MTCL1: variants seen among roughly 807,000 people sequenced by gnomAD.
MTCL1 encodes microtubule cross-linking factor 1.
Under a neutral mutation model 141.4 loss-of-function variants are expected in MTCL1, and 79 were observed. The ratio of observed to expected loss-of-function variants is 0.56; its 90% CI spans 0.47 to 0.67. The LOEUF (loss-of-function observed/expected upper bound fraction) is 0.67, where lower values mean the gene tolerates loss of function less well. MTCL1 is among the 30% of genes least tolerant of loss of function. The pLI is 0.00. For missense variants in MTCL1, 2,177 were observed against 2,113.9 expected, an observed-to-expected ratio of 1.03 and a Z score of -0.59; for synonymous variants, 914 against 875.8, an observed-to-expected ratio of 1.04 and a Z score of -0.77.
rs1430294838 is a variant in MTCL1 at position 8,828,987 on chromosome 18, C to G, written c.*18+23C>G. On this transcript the variant is annotated intron_variant, in intron 16 of 16. Transcript: ENST00000359865. The surrounding 1 kb of genome is among the most constrained non-coding windows in gnomAD (Gnocchi z 5.2). ...GCTGTAAGTGCTTCCTTCCTTGTTT[C>G]CCAACTGTCTGGAGAGGTCGTGTTG... The G allele has an allele frequency of 6.2e-7, 1 of 1,614,026 alleles. No individual in the cohort carries two copies. Among genetic ancestry groups the G allele is most frequent in the African/African-American group, 1.3e-5 (1 of 74,940 alleles).
intron 10 of MTCL1, among the ~76,000 whole-genome samples, chr18:8,806,321 G>C (rs1182049905): frequency 1.3e-5 from 2 of 152,146 alleles, no homozygotes; most frequent in Non-Finnish European, 2.9e-5. Flanking sequence ...ACCAATCGGA[G>C]TCTGATTACC....
At chr18:8,783,003 C>A (rs2096537835) in intron 5 of MTCL1, among the ~76,000 whole-genome samples, 1 of 152,222 alleles carries the variant, frequency 6.6e-6, no homozygotes, top group South Asian at 2.1e-4. Context: ...ACTTCCCCAT[C>A]CTGGTCAGAC....
At chr18:8,772,664 A>G (rs867955541) in intron 4 of MTCL1, among the ~76,000 whole-genome samples, 3 of 151,068 alleles carry the variant, frequency 2.0e-5, no homozygotes, top group Middle Eastern at 3.2e-3. Context: ...TGTTATGTAT[A>G]TAACATAAAA....
intron 4 of MTCL1, among the ~76,000 whole-genome samples, chr18:8,733,923 C>T (rs1017838027): frequency 3.3e-5 from 5 of 152,030 alleles, no homozygotes; most frequent in Non-Finnish European, 2.9e-5. Context: ...TTGGATATGT[C>T]GTTTTTATCT....
At chr18:8,826,494 CT>C (rs11354603) in intron 15 of MTCL1, among the ~76,000 whole-genome samples, 149,656 of 152,328 alleles carry the variant, frequency 0.98, 73,578 homozygotes, top group South Asian at 1. Context: ...TGTCACCAGT[CT>C]TAAGTGATTG....
Position 8,705,818 on chromosome 18 carries a change from A to G in MTCL1, c.158A>G (p.His53Arg). Residue 53 changes from histidine to arginine, a missense_variant, in exon 1 of 14, where the codon CAC (histidine) becomes CGC (arginine). By Grantham distance (29) the His-to-Arg change is conservative. Coordinates refer to the MTCL1 transcript ENST00000306329. The surrounding 1 kb of genome is among the most constrained non-coding windows in gnomAD (Gnocchi z 5.2). ...GCCAGACCCTTCCTCAAGGACCTGC[A>G]CGCCCGGCCCGCCGCGCCCGGCCCG... The G allele has an allele frequency of 8.4e-7, 1 of 1,184,316 alleles. No individual in the cohort carries two copies. The highest frequency in any genetic ancestry group is 1.0e-6 in the Non-Finnish European group (1 of 957,000). The allele number at this position is 1,184,316 out of a possible 1,614,324, so 73.4% of individuals were successfully genotyped here. A position where few individuals can be genotyped will look rare whatever the true frequency, so the allele number is the denominator to read the frequency against.
At chr18:8,815,185 C>T (rs921260409) in intron 12 of MTCL1, among the ~76,000 whole-genome samples, 18 of 152,170 alleles carry the variant, frequency 1.2e-4, no homozygotes, top group Middle Eastern at 3.4e-3. Context: ...ATGTTTATTG[C>T]GGCAGTATTC....
intron 10 of MTCL1, among the ~76,000 whole-genome samples, chr18:8,803,093 A>C (rs931945489): frequency 1.3e-5 from 2 of 152,044 alleles, no homozygotes; most frequent in South Asian, 4.1e-4. Flanking sequence ...ACTATCATTA[A>C]TTTCCCTTGA....
intron 13 of MTCL1, 30 bp from the exon 13 acceptor site, chr18:8,821,437 G>T: frequency 1.4e-6 from 2 of 1,420,428 alleles, no homozygotes; most frequent in Non-Finnish European, 2.0e-6. Context: ...AAAATTAACC[G>T]ATTCAGATGA....
upstream of MTCL1, among the ~76,000 whole-genome samples, chr18:8,713,461 G>A (rs1205785588): frequency 6.6e-6 from 1 of 152,128 alleles, no homozygotes; most frequent in Non-Finnish European, 1.5e-5. Context: ...ATTTTTAGTT[G>A]GCAGATGTCA....
chr18:8,737,823 C>G (rs2096281813), intron 4 of MTCL1, among the ~76,000 whole-genome samples: 1 of 152,156 alleles, frequency 6.6e-6, no homozygotes, highest in African/African-American at 2.4e-5. Flanking sequence ...AAACCAAGGT[C>G]ATGGCCCATC....
chr18:8,761,878 A>C (rs1020183716), intron 4 of MTCL1, among the ~76,000 whole-genome samples: 3 of 152,234 alleles, frequency 2.0e-5, no homozygotes, highest in Admixed American at 1.3e-4. Context: ...GTGGGAATTT[A>C]AGATGAGATT....
At chr18:8,807,089 C>T (rs759516188) in intron 11 of MTCL1, 29 bp downstream of exon 10, 1 of 1,598,094 alleles carries the variant, frequency 6.3e-7, no homozygotes, top group South Asian at 1.1e-5. Flanking sequence ...TCCCTCGATC[C>T]TGACTGTGTG....
intron 4 of MTCL1, among the ~76,000 whole-genome samples, chr18:8,747,930 C>A (rs941688720): frequency 6.6e-6 from 1 of 152,164 alleles, no homozygotes; most frequent in Non-Finnish European, 1.5e-5. Flanking sequence ...CCTTGTGTGC[C>A]CCATGCTGGA....
intron 4 of MTCL1, among the ~76,000 whole-genome samples, chr18:8,761,331 G>T (rs2096431397): frequency 6.6e-6 from 1 of 152,136 alleles, no homozygotes; most frequent in South Asian, 2.1e-4. Context: ...TATTTTTATT[G>T]TGATAAATAC....
chr18:8,777,999 A>T (rs1380171631), intron 5 of MTCL1, 107 bp downstream of exon 4: 58 of 1,030,826 alleles, frequency 5.6e-5, no homozygotes, highest in Non-Finnish European at 8.0e-5. Flanking sequence ...ATCCAAAGAA[A>T]CATTACCTGC....
intron 4 of MTCL1, among the ~76,000 whole-genome samples, chr18:8,748,321 C>A (rs2096351821): frequency 6.6e-6 from 1 of 152,086 alleles, no homozygotes; most frequent in Non-Finnish European, 1.5e-5. Flanking sequence ...GCAGGAGGAT[C>A]GCTTGAGCCC....
exon 5 of MTCL1, chr18:8,777,838 C>T (rs2096517369): frequency 6.2e-7 from 1 of 1,613,810 alleles, no homozygotes; most frequent in African/African-American, 1.3e-5. Context: ...TTCAGAGTTC[C>T]CTAAAAAGAA....
At chr18:8,773,002 A>C (rs2096491160) in intron 4 of MTCL1, among the ~76,000 whole-genome samples, 1 of 152,160 alleles carries the variant, frequency 6.6e-6, no homozygotes, top group Non-Finnish European at 1.5e-5. Flanking sequence ...TCATTTCACT[A>C]TGTGTATTCT....
Sources: gnomAD v4.1 joint callset for allele counts (sites outside exome capture counted in the v4.1 genomes callset) on GRCh38, gnomAD v4.1.1 for gene constraint, Gnocchi (gnomAD v3.1) non-coding constraint, MANE v1.5 for transcripts, NCBI Gene and HGNC (gene_info 2026-07-23, HGNC 2026-07-21) for gene names.